The following GMPS variants were observed in gnomAD, a reference collection of about 807,000 sequenced individuals.
GMPS encodes the protein GMP synthase [glutamine-hydrolyzing].
GMPS carries 15 observed loss-of-function variants against 77.9 expected under a neutral mutation model. The observed-to-expected ratio is 0.19, with a 90% CI of 0.13 to 0.30. GMPS has a LOEUF of 0.30. Among genes scored for constraint, GMPS ranks in the 10% least tolerant of loss-of-function variants. The probability of loss-of-function intolerance (pLI) is 1.00; values close to 1 mark genes in which losing one functional copy is unlikely to be tolerated. For missense variants in GMPS, 590 were observed against 838.8 expected (o/e 0.70, Z 3.66); for synonymous variants, 224 against 275.9 (o/e 0.81, Z 1.86).
chr3:155,883,813 A>G (rs2108058374), intron 1 of GMPS, among the ~76,000 whole-genome samples: 1 of 152,312 alleles, frequency 6.6e-6, no homozygotes, highest in South Asian at 2.1e-4. Context: ...TTAACAGAAC[A>G]ACTAATCAGA....
chr3:155,904,986 C>G (rs997788404), intron 4 of GMPS, among the ~76,000 whole-genome samples: 1 of 151,752 alleles, frequency 6.6e-6, no homozygotes, highest in Non-Finnish European at 1.5e-5. Flanking sequence ...CATTTTTATT[C>G]CTTAGTATTA....
intron 4 of GMPS, among the ~76,000 whole-genome samples, chr3:155,904,663 A>T (rs1237546168): frequency 6.6e-6 from 1 of 152,190 alleles, no homozygotes; most frequent in African/African-American, 2.4e-5. Context: ...AACTGAAGTT[A>T]CTCATTGTCA....
chr3:155,915,982 ATC>A (rs759552920), intron 8 of GMPS, 35 bp from the exon 9 acceptor site: 2 of 1,480,540 alleles, frequency 1.4e-6, no homozygotes, highest in South Asian at 2.4e-5. Flanking sequence ...AAAAAAAGTT[ATC>A]TCTTACAAGG....
chr3:155,916,865 C>T lies in GMPS; in HGVS notation c.1212+673C>T, dbSNP rs557989418. Among the ~76,000 whole-genome samples, 17 of 152,248 alleles carry T rather than the reference C, an allele frequency of 1.1e-4. No individual in the cohort carries two copies. In the South Asian group the frequency reaches 2.5e-3, roughly 22 times the overall value. On this transcript the variant is annotated intron_variant, in intron 9 of 15. Transcript: ENST00000496455. ...TAAAATGATGATACAATTTTACATT[C>T]GCACTAGCAATCTATGAGATTCAAA... is the stretch of plus-strand genomic sequence containing the variant.
intron 11 of GMPS, among the ~76,000 whole-genome samples, chr3:155,924,260 T>C (rs749226832): frequency 5.9e-5 from 9 of 152,210 alleles, no homozygotes; most frequent in Admixed American, 6.5e-5. Context: ...GAAGGAATGC[T>C]AAGCAAGGAA....
intron 12 of GMPS, among the ~76,000 whole-genome samples, chr3:155,927,746 C>T (rs753838762): frequency 3.9e-4 from 59 of 152,086 alleles, no homozygotes; most frequent in Non-Finnish European, 7.5e-4. Context: ...ATGTGTCTTT[C>T]CAGAAACACT....
intron 14 of GMPS, 32 bp downstream of exon 14, chr3:155,935,078 CT>C: frequency 6.5e-7 from 1 of 1,530,438 alleles, no homozygotes; most frequent in Non-Finnish European, 9.0e-7. Flanking sequence ...TTACTACCCT[CT>C]GAAACTAGTT....
chr3:155,923,589 T>A (rs1359317708), intron 11 of GMPS, among the ~76,000 whole-genome samples: 1 of 152,188 alleles, frequency 6.6e-6, no homozygotes, highest in African/African-American at 2.4e-5. Flanking sequence ...AAGGCAAGAC[T>A]TCAAAATACC....
chr3:155,925,400 C>CA, intron 12 of GMPS, 34 bp downstream of exon 12: 29 of 1,249,176 alleles, frequency 2.3e-5, no homozygotes, highest in African/African-American at 3.1e-5. Context: ...CAGTGATATA[C>CA]TTTTTTTTTT....
chr3:155,877,470 G>A (rs571150283), intron 1 of GMPS, among the ~76,000 whole-genome samples: 1 of 151,766 alleles, frequency 6.6e-6, no homozygotes, highest in South Asian at 2.1e-4. Flanking sequence ...CCCCCCATTT[G>A]TACAGTCAAA....
At chr3:155,916,973 T>C (rs1405707038) in intron 9 of GMPS, among the ~76,000 whole-genome samples, 2 of 148,602 alleles carry the variant, frequency 1.3e-5, no homozygotes, top group Admixed American at 1.4e-4. Flanking sequence ...CCATCTTAAC[T>C]CTGATTTTTT....
At position 155,870,721 on chromosome 3, in the gene GMPS, G is replaced by C; in HGVS notation, c.-150G>C. 1.7e-6 allele frequency: 1 copy of C among 572,632 alleles called. No homozygotes were observed. The highest frequency in any genetic ancestry group is 2.0e-5 in the South Asian group (1 of 50,134). The allele number at this position is 572,632 out of a possible 1,614,324, so 35.5% of individuals were successfully genotyped here. On this transcript the variant is annotated 5_prime_UTR_variant, in exon 1 of 16. Transcript: ENST00000496455. ...CTCCGCTGCTGTTGCTCCATTCGGCGCTTTTCTGGCGGCTGGCTCCTCTCC... is the reference window on the plus strand; with the variant it reads ...CTCCGCTGCTGTTGCTCCATTCGGCCCTTTTCTGGCGGCTGGCTCCTCTCC...
chr3:155,869,454 G>A (rs553313381), upstream of GMPS, among the ~76,000 whole-genome samples: 6 of 152,234 alleles, frequency 3.9e-5, no homozygotes, highest in South Asian at 4.1e-4. Context: ...CATGGCTTTG[G>A]AGAGTTCAAA....
chr3:155,891,667 C>T (rs1258177603), intron 1 of GMPS, among the ~76,000 whole-genome samples: 2 of 144,244 alleles, frequency 1.4e-5, no homozygotes, highest in African/African-American at 2.6e-5. Context: ...AGTGCAATGG[C>T]GTGATCTTGG....
At chr3:155,877,518 A>G (rs1475019122) in intron 1 of GMPS, among the ~76,000 whole-genome samples, 1 of 151,630 alleles carries the variant, frequency 6.6e-6, no homozygotes, top group African/African-American at 2.4e-5. Flanking sequence ...AAAAACCTCT[A>G]CCCTTCAGCA....
chr3:155,932,287 C>A (rs1282384507), intron 13 of GMPS, among the ~76,000 whole-genome samples: 1 of 151,226 alleles, frequency 6.6e-6, no homozygotes, highest in African/African-American at 2.4e-5. Flanking sequence ...AACACACACA[C>A]ACACACACAC....
At chr3:155,887,190 T>A (rs1023757681) in intron 1 of GMPS, among the ~76,000 whole-genome samples, 1 of 152,188 alleles carries the variant, frequency 6.6e-6, no homozygotes, top group Non-Finnish European at 1.5e-5. Flanking sequence ...CAGGTTCTTA[T>A]AGGTCTTGGG....
intron 15 of GMPS, 127 bp downstream of exon 15, chr3:155,936,637 T>A (rs537364994): frequency 2.0e-4 from 114 of 577,258 alleles, no homozygotes; most frequent in African/African-American, 1.9e-3. Context: ...GATAGGCTTT[T>A]TTTTTTAAAT....
intron 1 of GMPS, among the ~76,000 whole-genome samples, chr3:155,877,154 G>A (rs746615233): frequency 6.6e-5 from 10 of 152,040 alleles, no homozygotes; most frequent in Non-Finnish European, 1.2e-4. Context: ...ATTCTGCTTT[G>A]GACAAATTTT....
Sources: allele counts gnomAD v4.1 joint callset (sites outside exome capture counted in the v4.1 genomes callset), GRCh38; gene constraint gnomAD v4.1.1; transcripts MANE v1.5; gene names NCBI Gene and HGNC (gene_info 2026-07-23, HGNC 2026-07-21).